Variants in FSTL5 observed in about 807,000 individuals in gnomAD.
The protein encoded by FSTL5 is follistatin-related protein 5.
FSTL5 carries 62 observed loss-of-function variants against 89.1 expected under a neutral mutation model. The ratio of observed to expected loss-of-function variants is 0.70; its 90% CI spans 0.57 to 0.86. FSTL5 has a LOEUF of 0.86. Among genes scored for constraint, FSTL5 ranks in the 40% least tolerant of loss-of-function variants. FSTL5 has a pLI of 0.00. For missense variants in FSTL5, 1,057 were observed against 1,001.6 expected (o/e 1.06, Z -0.75); for synonymous variants, 383 against 346.2 (o/e 1.11, Z -1.18).
rs549466647 is a variant in FSTL5, at chr4:161,755,784, T to C, written c.727+3627A>G. On this transcript the variant is annotated intron_variant, in intron 6 of 15. Transcript: ENST00000306100. ...ACACCCTATACACAAAGGTACATAA[T>C]ACATGATTTTTGAATAGATTTCTTT... is the stretch of plus-strand genomic sequence containing the variant. 7.2e-5 allele frequency among the ~76,000 whole-genome samples: 11 copies of C among 152,218 alleles called. No homozygotes were observed. The South Asian group carries it at 2.3e-3, about 32-fold the overall frequency.
chr4:161,439,158 T>A (rs543376315), intron 15 of FSTL5, among the ~76,000 whole-genome samples: 49 of 152,226 alleles, frequency 3.2e-4, no homozygotes, highest in Non-Finnish European at 5.9e-4. Context: ...GATGTAATAT[T>A]TATTGCACAT....
chr4:161,996,552 C>G (rs746023772), intron 3 of FSTL5, among the ~76,000 whole-genome samples: 4 of 152,212 alleles, frequency 2.6e-5, no homozygotes, highest in African/African-American at 4.8e-5. Context: ...TCAATCCATG[C>G]TCTATATTGT....
intron 2 of FSTL5, among the ~76,000 whole-genome samples, chr4:162,062,122 T>G (rs1738736674): frequency 6.6e-6 from 1 of 151,740 alleles, no homozygotes; most frequent in African/African-American, 2.4e-5. Context: ...TAACATATAT[T>G]ATATGACAAT....
chr4:161,699,970 G>A lies in FSTL5; in HGVS notation c.728-43476C>T, dbSNP rs545673711. On this transcript the variant is annotated intron_variant, in intron 6 of 15. Coordinates refer to ENST00000306100, the MANE Select transcript of FSTL5 (RefSeq NM_020116.5). ...CTGGATTTCTGTTATCTGTTTAAGT[G>A]TTCCAGTTCTTAAATTATTTTTCTA... Among the ~76,000 whole-genome samples the A allele has an allele frequency of 4.6e-5, 7 of 152,242 alleles. 1 individual carries two copies. The East Asian group carries it at 1.3e-3, about 29-fold the overall frequency.
chr4:161,494,024 ATAAGACCTCT>A (rs779866245), intron 12 of FSTL5, among the ~76,000 whole-genome samples: 4 of 152,196 alleles, frequency 2.6e-5, no homozygotes, highest in Non-Finnish European at 5.9e-5. Context: ...AGGAAGCTTT[ATAAGACCTCT>A]TTACATCTAC....
Position 162,033,613 on chromosome 4 carries a change from ATCATTTCTT to A in FSTL5, c.160+3_160+11del. On this transcript the variant is annotated splice_donor_5th_base_variant and intron_variant, in intron 3 of 15. Transcript: ENST00000306100. ...CTTATATAATTGTTATCTTAAAGCAATCATTTCTTACCTTTGACTCTTGAACTTTCTTGA... is the reference window on the plus strand; with the variant it reads ...CTTATATAATTGTTATCTTAAAGCAAACCTTTGACTCTTGAACTTTCTTGA... 2 of 1,433,228 alleles carry A rather than the reference ATCATTTCTT, an allele frequency of 1.4e-6. No homozygotes were observed. Among genetic ancestry groups the A allele is most frequent in the South Asian group, 2.5e-5 (2 of 79,434 alleles). 88.8% of individuals were successfully genotyped at this position (1,433,228 alleles called of 1,614,324 possible).
At chr4:162,042,863 G>A (rs1380820742) in intron 2 of FSTL5, among the ~76,000 whole-genome samples, 1 of 145,676 alleles carries the variant, frequency 6.9e-6, no homozygotes, top group African/African-American at 2.5e-5. Flanking sequence ...ACCAAACACC[G>A]CATATTCTCA....
At chr4:162,137,894 G>A (rs2111472473) in intron 1 of FSTL5, among the ~76,000 whole-genome samples, 1 of 152,084 alleles carries the variant, frequency 6.6e-6, no homozygotes, top group South Asian at 2.1e-4. Context: ...AAGCTTTTAG[G>A]GAGGATAAAA....
At chr4:161,504,471 C>A (rs72683741) in intron 11 of FSTL5, among the ~76,000 whole-genome samples, 29,768 of 142,064 alleles carry the variant, frequency 0.21, 3,777 homozygotes, top group Non-Finnish European at 0.29. Context: ...GATTGTTTTT[C>A]GTTTTTGTTT....
intron 3 of FSTL5, among the ~76,000 whole-genome samples, chr4:161,929,206 G>A (rs1734211268): frequency 6.9e-6 from 1 of 145,580 alleles, no homozygotes; most frequent in Admixed American, 6.9e-5. Flanking sequence ...AGCACCATTT[G>A]TTGACAAGAA....
At chr4:162,156,176 A>G (rs867377203) in intron 1 of FSTL5, among the ~76,000 whole-genome samples, 1 of 152,154 alleles carries the variant, frequency 6.6e-6, no homozygotes, top group African/African-American at 2.4e-5. Context: ...AAACATGCAA[A>G]TCAAACCACA....
intron 6 of FSTL5, among the ~76,000 whole-genome samples, chr4:161,733,175 T>C (rs1256254828): frequency 6.6e-6 from 1 of 151,996 alleles, no homozygotes. Flanking sequence ...TTGGCCTTTG[T>C]ATTGCACTTG....
intron 5 of FSTL5, among the ~76,000 whole-genome samples, chr4:161,765,546 C>A (rs7682803): frequency 0.21 from 31,727 of 152,022 alleles, 6,090 homozygotes; most frequent in African/African-American, 0.51. Context: ...AAAAATACTT[C>A]ATTTGTAAAA....
intron 6 of FSTL5, among the ~76,000 whole-genome samples, chr4:161,718,285 A>G (rs1262155789): frequency 6.6e-6 from 1 of 152,160 alleles, no homozygotes; most frequent in African/African-American, 2.4e-5. Flanking sequence ...TAAAGAATTA[A>G]TTTTGCTTAA....
chr4:162,002,887 G>C (rs1223250080), intron 3 of FSTL5, among the ~76,000 whole-genome samples: 1 of 151,996 alleles, frequency 6.6e-6, no homozygotes, highest in East Asian at 1.9e-4. Context: ...GCTCATGCCT[G>C]TAATCCCAGC....
intron 4 of FSTL5, among the ~76,000 whole-genome samples, chr4:161,812,708 G>A (rs539412567): frequency 2.0e-5 from 3 of 151,836 alleles, no homozygotes; most frequent in Non-Finnish European, 4.4e-5. Flanking sequence ...TGCCAGTTTA[G>A]GACATTTCAT....
intron 6 of FSTL5, among the ~76,000 whole-genome samples, chr4:161,667,414 AT>A (rs1338988997): frequency 6.6e-6 from 1 of 152,122 alleles, no homozygotes; most frequent in Non-Finnish European, 1.5e-5. Context: ...TATTAACTGT[AT>A]GACTTTGAAA....
intron 3 of FSTL5, among the ~76,000 whole-genome samples, chr4:161,924,024 G>A (rs1734061223): frequency 6.6e-6 from 1 of 151,654 alleles, no homozygotes; most frequent in South Asian, 2.1e-4. Flanking sequence ...TTAAGTTTCA[G>A]CTGAGATTAA....
At chr4:161,823,017 T>A (rs1730542498) in intron 4 of FSTL5, among the ~76,000 whole-genome samples, 1 of 152,190 alleles carries the variant, frequency 6.6e-6, no homozygotes, top group Non-Finnish European at 1.5e-5. Context: ...CTACTGCTGG[T>A]AGCTCCTTTC....
Sources: allele counts gnomAD v4.1 joint callset (sites outside exome capture counted in the v4.1 genomes callset), GRCh38; gene constraint gnomAD v4.1.1; transcripts MANE v1.5; gene names NCBI Gene and HGNC (gene_info 2026-07-23, HGNC 2026-07-21).